PCDHA8: variants seen among roughly 807,000 people sequenced by gnomAD.
PCDHA8 encodes protocadherin alpha 8, also known as protocadherin alpha-8.
PCDHA8 carries 53 observed loss-of-function variants against 61.8 expected under a neutral mutation model. The observed-to-expected ratio is 0.86, with a 90% CI of 0.69 to 1.08. The LOEUF (loss-of-function observed/expected upper bound fraction) is 1.08, where lower values mean the gene tolerates loss of function less well. Among genes scored for constraint, PCDHA8 ranks in the 50% least tolerant of loss-of-function variants. The pLI is 0.00. For synonymous variants in PCDHA8, 618 were observed against 556.6 expected (o/e 1.11, Z -1.55); for missense variants, 1,293 against 1,245.0 (o/e 1.04, Z -0.58).
intron 1 of PCDHA8, among the ~76,000 whole-genome samples, chr5:140,947,543 G>T (rs1013985097): frequency 6.6e-5 from 10 of 151,548 alleles, no homozygotes; most frequent in Non-Finnish European, 1.2e-4. Flanking sequence ...TTTCTACAAA[G>T]AATTCCGCTG....
rs1430300644 is a variant in PCDHA8 at position 141,011,992 on chromosome 5, C to T, written c.*2055C>T. 6.5e-6 allele frequency: 1 copy of T among 153,658 alleles called. No individual in the cohort carries two copies. The highest frequency in any genetic ancestry group is 1.5e-5 in the Non-Finnish European group (1 of 68,022). 9.5% of individuals were successfully genotyped at this position (153,658 alleles called of 1,614,324 possible). ...TGTCTTGTCTACTTTTAGCTTCATTCTCCCATATTTTGAAGGGTGTGTAAC... is the reference window on the plus strand; with the variant it reads ...TGTCTTGTCTACTTTTAGCTTCATTTTCCCATATTTTGAAGGGTGTGTAAC... On this transcript the variant is annotated 3_prime_UTR_variant, in exon 4 of 4. Transcript: ENST00000531613.
intron 3 of PCDHA8, among the ~76,000 whole-genome samples, chr5:140,985,728 C>G (rs2097165709): frequency 6.7e-6 from 1 of 148,846 alleles, no homozygotes; most frequent in Admixed American, 6.8e-5. Flanking sequence ...TTTTCCTTCA[C>G]TGATGAATTC....
chr5:140,902,657 T>G (rs1331790009), intron 1 of PCDHA8, among the ~76,000 whole-genome samples: 2 of 152,160 alleles, frequency 1.3e-5, no homozygotes, highest in Non-Finnish European at 2.9e-5. Context: ...GGTGCACCTG[T>G]CACCCAAGCA....
intron 1 of PCDHA8, among the ~76,000 whole-genome samples, chr5:140,921,713 A>T (rs1247257514): frequency 2.0e-5 from 3 of 152,174 alleles, no homozygotes; most frequent in Non-Finnish European, 4.4e-5. Flanking sequence ...CAGTAAACAC[A>T]CGAATTACTC....
intron 3 of PCDHA8, among the ~76,000 whole-genome samples, chr5:140,989,866 T>G (rs2097364293): frequency 6.6e-6 from 1 of 152,012 alleles, no homozygotes; most frequent in South Asian, 2.1e-4. Flanking sequence ...GGAATCTTTC[T>G]CTGCCTCAGC....
At chr5:140,987,749 GT>G (rs1554249497) in intron 3 of PCDHA8, among the ~76,000 whole-genome samples, 1 of 152,142 alleles carries the variant, frequency 6.6e-6, no homozygotes, top group African/African-American at 2.4e-5. Context: ...GACCCAGGTT[GT>G]TCTGAGTATT....
rs17844334 is a variant in PCDHA8 at position 140,850,512 on chromosome 5, G to C, written c.2394+6797G>C. On this transcript the variant is annotated intron_variant, in intron 1 of 3. Transcript: ENST00000531613. ...TGTGCTGGTGTCGCTGGTGGAGAGCGGCCAGGCGCCAAAGTCATCGTCGCG... is the reference window on the plus strand; with the variant it reads ...TGTGCTGGTGTCGCTGGTGGAGAGCCGCCAGGCGCCAAAGTCATCGTCGCG... The C allele has an allele frequency of 2.1e-4, 342 of 1,598,262 alleles. 9 individuals carry two copies. The East Asian group carries it at 6.3e-3, about 30-fold the overall frequency.
At chr5:140,852,978 A>T in intron 1 of PCDHA8, 1 of 358,934 alleles carries the variant, frequency 2.8e-6, no homozygotes, top group Non-Finnish European at 4.1e-6. Flanking sequence ...TCCCGTGTTC[A>T]CGCCATTCTC....
chr5:140,881,459 A>G (rs1172310253), intron 1 of PCDHA8: 2 of 672,234 alleles, frequency 3.0e-6, no homozygotes, highest in Non-Finnish European at 3.7e-6. Flanking sequence ...AAAACCTTAG[A>G]GCATTGTTGT....
intron 1 of PCDHA8, chr5:140,863,222 A>C: frequency 9.0e-7 from 1 of 1,110,392 alleles, no homozygotes; most frequent in Non-Finnish European, 1.3e-6. Flanking sequence ...CAAGCGAGGA[A>C]GGTCCCATCG....
chr5:140,873,995 G>A (rs1218409385), intron 1 of PCDHA8, among the ~76,000 whole-genome samples: 9 of 152,284 alleles, frequency 5.9e-5, no homozygotes, highest in African/African-American at 2.2e-4. Context: ...AGCATGTATG[G>A]TACATTGACC....
chr5:140,914,427 T>C (rs2076707638), intron 1 of PCDHA8, among the ~76,000 whole-genome samples: 1 of 152,196 alleles, frequency 6.6e-6, no homozygotes, highest in African/African-American at 2.4e-5. Context: ...TAGCAAGGAA[T>C]ATCTTTTCCC....
intron 1 of PCDHA8, among the ~76,000 whole-genome samples, chr5:140,955,446 A>G (rs574900327): frequency 6.6e-6 from 1 of 152,194 alleles, no homozygotes; most frequent in Non-Finnish European, 1.5e-5. Context: ...TGATGGTTTT[A>G]TAAGGGCTTT....
At chr5:140,902,846 A>G (rs1119032) in intron 1 of PCDHA8, among the ~76,000 whole-genome samples, 22,643 of 152,174 alleles carry the variant, frequency 0.15, 1,744 homozygotes, top group Middle Eastern at 0.2. Flanking sequence ...CTTCACTTAG[A>G]AAAATGGCGT....
chr5:140,929,302 G>T, intron 1 of PCDHA8: 1 of 1,587,714 alleles, frequency 6.3e-7, no homozygotes, highest in Admixed American at 1.7e-5. Flanking sequence ...TAGGAAAGGG[G>T]ATCACGCTAA....
At chr5:140,931,260 T>C (rs576177407) in intron 1 of PCDHA8, among the ~76,000 whole-genome samples, 104 of 152,274 alleles carry the variant, frequency 6.8e-4, no homozygotes, top group East Asian at 3.1e-3. Flanking sequence ...GAAATTTCAC[T>C]ATTTATTTCT....
rs1417392698 is a variant in PCDHA8 at position 140,999,864 on chromosome 5, T to G, written c.2543-9763T>G. Among the ~76,000 whole-genome samples, 46 of 152,148 alleles carry G rather than the reference T, an allele frequency of 3.0e-4. 1 individual carries two copies. ...TGTATTTATCTCTTCCGCTCCAAGATTACTGAAAATTAGCCCAGCTGTAGC... is the reference window on the plus strand; with the variant it reads ...TGTATTTATCTCTTCCGCTCCAAGAGTACTGAAAATTAGCCCAGCTGTAGC... On this transcript the variant is annotated intron_variant, in intron 3 of 3. Coordinates refer to ENST00000531613, the MANE Select transcript of PCDHA8 (RefSeq NM_018911.3).
intron 1 of PCDHA8, among the ~76,000 whole-genome samples, chr5:140,917,330 A>AGGGGGGGGGGG (rs1425400137): frequency 9.7e-6 from 1 of 103,190 alleles, no homozygotes. Flanking sequence ...GTGGCGGGGG[A>AGGGGGGGGGGG]GGGGGGGGAT....
chr5:140,957,014 G>A (rs2095325954), intron 1 of PCDHA8, among the ~76,000 whole-genome samples: 1 of 152,124 alleles, frequency 6.6e-6, no homozygotes, highest in South Asian at 2.1e-4. Flanking sequence ...ATTTCTCAGT[G>A]AGCATTTAGA....
Sources: allele counts gnomAD v4.1 joint callset (sites outside exome capture counted in the v4.1 genomes callset), GRCh38; gene constraint gnomAD v4.1.1; transcripts MANE v1.5; gene names NCBI Gene and HGNC (gene_info 2026-07-23, HGNC 2026-07-21).